The following SLC28A3 variants were observed in gnomAD, a reference collection of about 807,000 sequenced individuals.
SLC28A3 encodes solute carrier family 28 member 3.
In SLC28A3, 68 loss-of-function variants were observed where a neutral mutation model predicts 84.2. That is an observed-to-expected ratio of 0.81 (90% CI 0.66 to 0.99). The LOEUF (loss-of-function observed/expected upper bound fraction) is 0.99, where lower values mean the gene tolerates loss of function less well. SLC28A3 is among the 50% of genes least tolerant of loss of function. The probability of loss-of-function intolerance (pLI) is 0.00; values close to 1 mark genes in which losing one functional copy is unlikely to be tolerated. For synonymous variants in SLC28A3, 267 were observed against 303.6 expected (o/e 0.88, Z 1.25); for missense variants, 712 against 841.5 (o/e 0.85, Z 1.90).
At chr9:84,339,636 G>A (rs1029144822) in intron 1 of SLC28A3, among the ~76,000 whole-genome samples, 1 of 152,154 alleles carries the variant, frequency 6.6e-6, no homozygotes, top group African/African-American at 2.4e-5. Context: ...CAGGCCTCAG[G>A]CACTCAACCT....
At chr9:84,311,465 C>G (rs1035989622) in intron 2 of SLC28A3, among the ~76,000 whole-genome samples, 1 of 151,896 alleles carries the variant, frequency 6.6e-6, no homozygotes, top group Non-Finnish European at 1.5e-5. Context: ...CAGTGAGACT[C>G]TCTTGGTCTT....
chr9:84,332,581 G>C (rs1009082725), intron 1 of SLC28A3, among the ~76,000 whole-genome samples: 1 of 152,124 alleles, frequency 6.6e-6, no homozygotes, highest in South Asian at 2.1e-4. Context: ...AAAACTGAGA[G>C]AATGAGAAGT....
In SLC28A3 at chr9:84,278,335, G is replaced by T; in HGVS notation, c.1959C>A (p.Ala653=). The change falls in exon 18 of 18, where the codon GCC becomes GCA. Residue 653 remains alanine, a synonymous_variant. Transcript: ENST00000376238. ...CCQSLLSSTV[A]KGPGEVIPGG... The stretch of plus-strand genomic sequence containing the variant: ...CTGGGATGACTTCACCAGGACCCTT[G>T]GCAACAGTGCTGGTGGAAAGTGGAA... 1.2e-6 allele frequency: 2 copies of T among 1,614,024 alleles called. No homozygotes were observed. The highest frequency in any genetic ancestry group is 1.7e-6 in the Non-Finnish European group (2 of 1,179,974).
At position 84,320,045 on chromosome 9, in the gene SLC28A3, T is replaced by TTTTTG. The variant is rs1554728742; in HGVS notation, c.61-6592_61-6591insCAAAA. Among the ~76,000 whole-genome samples the TTTTTG allele has an allele frequency of 3.0e-3, 339 of 114,896 alleles. 13 individuals carry two copies. The highest frequency in any genetic ancestry group is 0.015 in the African/African-American group (312 of 20,928). 75.4% of individuals were successfully genotyped at this position (114,896 alleles called of 152,430 possible). A position where few individuals can be genotyped will look rare whatever the true frequency, so the allele number is the denominator to read the frequency against. On this transcript the variant is annotated intron_variant, in intron 1 of 17. Coordinates refer to ENST00000376238, the MANE Select transcript of SLC28A3 (RefSeq NM_001199633.2). ...ATTCCAGCCTGGCTTGCACTGTTTT[T>TTTTTG]TTTTTTTTTTTTTTTTTTTTTTGAG...
At chr9:84,352,294 C>T in the SLC28A3 span, among the ~76,000 whole-genome samples, 1 of 152,066 alleles carries the variant, frequency 6.6e-6, no homozygotes, top group African/African-American at 2.4e-5. Flanking sequence ...AGTGATTCTC[C>T]TGCCTCAGCC....
At position 84,280,889 on chromosome 9, in the gene SLC28A3, G is replaced by A; in HGVS notation, c.1648-7C>T. On this transcript the variant is annotated splice_region_variant and splice_polypyrimidine_tract_variant and intron_variant, in intron 14 of 17. Coordinates refer to ENST00000376238, the MANE Select transcript of SLC28A3 (RefSeq NM_001199633.2). Reference sequence around the variant, plus strand: ...CGATTATCTCAGAACGAATCTGTAAGCAAGCATAAACACATATGTATACAC... The same window carrying A: ...CGATTATCTCAGAACGAATCTGTAAACAAGCATAAACACATATGTATACAC... The A allele has an allele frequency of 1.9e-6, 3 of 1,613,834 alleles. No individual in the cohort carries two copies. Among genetic ancestry groups the A allele is most frequent in the Middle Eastern group, 1.6e-4 (1 of 6,062 alleles).
upstream of SLC28A3, among the ~76,000 whole-genome samples, chr9:84,344,502 T>G (rs1203591007): frequency 6.6e-6 from 1 of 152,146 alleles, no homozygotes; most frequent in Non-Finnish European, 1.5e-5. Context: ...ATGGGTTTTA[T>G]TTAACCCTAT....
chr9:84,313,218 C>T (rs11140510), intron 2 of SLC28A3, 141 bp downstream of exon 2: 106,074 of 620,500 alleles, frequency 0.17, 9,442 homozygotes, highest in Admixed American at 0.19. Context: ...TACGACTATG[C>T]CCCCACACAC....
chr9:84,320,060 T>G (rs1487805225), intron 1 of SLC28A3, among the ~76,000 whole-genome samples: 1 of 136,198 alleles, frequency 7.3e-6, no homozygotes, highest in Non-Finnish European at 1.6e-5. Flanking sequence ...TTTTTTTTTT[T>G]TTTTTTTGAG....
intron 1 of SLC28A3, among the ~76,000 whole-genome samples, chr9:84,335,060 G>A (rs1379054305): frequency 2.0e-5 from 3 of 151,936 alleles, no homozygotes; most frequent in African/African-American, 2.4e-5. Context: ...TCTTATCCGC[G>A]CTCATATCTA....
In SLC28A3 at chr9:84,278,344, G is replaced by A; in HGVS notation, c.1950C>T (p.Ser650=). ...CTTCACCAGGACCCTTGGCAACAGT[G>A]CTGGTGGAAAGTGGAAAGAAACAGT... ...VIACCQSLLS[S]TVAKGPGEVI... Residue 650 remains serine, a splice_region_variant and synonymous_variant, in exon 18 of 18, where the codon AGC becomes AGT. Transcript: ENST00000376238. 6.2e-7 allele frequency: 1 copy of A among 1,614,004 alleles called. No homozygotes were observed. The highest frequency in any genetic ancestry group is 8.5e-7 in the Non-Finnish European group (1 of 1,179,956).
At chr9:84,279,480 T>C in intron 16 of SLC28A3, 95 bp from the exon 17 acceptor site, 1 of 1,015,404 alleles carries the variant, frequency 9.8e-7, no homozygotes, top group Non-Finnish European at 1.3e-6. Context: ...CTTGCGCTTT[T>C]GCCCAGGCTA....
chr9:84,292,639 T>C, intron 10 of SLC28A3, 29 bp downstream of exon 10: 1 of 1,512,664 alleles, frequency 6.6e-7, no homozygotes, highest in Non-Finnish European at 9.1e-7. Context: ...TTTCAACAGA[T>C]GTTTTGTTCT....
At chr9:84,292,237 G>C (rs1232245355) in intron 10 of SLC28A3, among the ~76,000 whole-genome samples, 1 of 152,182 alleles carries the variant, frequency 6.6e-6, no homozygotes, top group Non-Finnish European at 1.5e-5. Flanking sequence ...TTTCGAGATA[G>C]TGAAATCCAT....
chr9:84,299,776 G>A (rs764301933), intron 5 of SLC28A3, 51 bp from the exon 6 acceptor site: 32 of 1,530,204 alleles, frequency 2.1e-5, no homozygotes, highest in Non-Finnish European at 2.6e-5. Context: ...GCTAACTTGA[G>A]AATCATAATC....
intron 5 of SLC28A3, among the ~76,000 whole-genome samples, chr9:84,300,446 G>A (rs1485024215): frequency 6.6e-6 from 1 of 152,170 alleles, no homozygotes; most frequent in East Asian, 1.9e-4. Context: ...CCTCACCAGC[G>A]GCCGAGAGGG....
Position 84,279,267 on chromosome 9 carries a change from G to A in SLC28A3, c.1947C>T (p.Ser649=), listed in dbSNP as rs750028581. The A allele has an allele frequency of 7.5e-6, 12 of 1,608,858 alleles. No individual in the cohort carries two copies. The highest frequency in any genetic ancestry group is 1.0e-5 in the Non-Finnish European group (12 of 1,178,102). ...AATTATAATCAAGAATACAATACCTGCTCAACAGACTTTGGCAACAAGCTA... is the reference window on the plus strand; with the variant it reads ...AATTATAATCAAGAATACAATACCTACTCAACAGACTTTGGCAACAAGCTA... ...KVIACCQSLL[S]STVAKGPGEV... The change falls in exon 17 of 18, where the codon AGC becomes AGT. Residue 649 remains serine (S), a splice_region_variant and synonymous_variant. Transcript: ENST00000376238.
intron 4 of SLC28A3, 70 bp downstream of exon 4, chr9:84,305,184 A>G (rs1440118366): frequency 4.1e-6 from 5 of 1,225,442 alleles, no homozygotes; most frequent in African/African-American, 1.6e-5. Flanking sequence ...CATAAAGTTA[A>G]TATTTGGGGG....
intron 1 of SLC28A3, among the ~76,000 whole-genome samples, chr9:84,315,081 AAAAC>A (rs35264543): frequency 0.11 from 16,607 of 152,184 alleles, 932 homozygotes; most frequent in Admixed American, 0.13. Flanking sequence ...TCAGTCTCAA[AAAAC>A]AAACAAACAA....
Sources: gnomAD v4.1 joint callset for allele counts (sites outside exome capture counted in the v4.1 genomes callset) on GRCh38, gnomAD v4.1.1 for gene constraint, MANE v1.5 for transcripts, NCBI Gene and HGNC (gene_info 2026-07-23, HGNC 2026-07-21) for gene names.